The following LNPEP variants were observed in gnomAD, a reference collection of about 807,000 sequenced individuals.
LNPEP encodes the protein leucyl and cystinyl aminopeptidase.
A neutral mutation model predicts 120.6 loss-of-function variants in LNPEP; 64 were observed. The ratio of observed to expected loss-of-function variants is 0.53; its 90% CI spans 0.43 to 0.65. LNPEP has a LOEUF of 0.65. Ranked by LOEUF, LNPEP falls within the 30% of genes least tolerant of loss-of-function variation. The pLI, the probability that LNPEP is intolerant of heterozygous loss-of-function variation, is 0.00. For synonymous variants in LNPEP, 435 were observed against 425.4 expected (o/e 1.02, Z -0.28); for missense variants, 1,057 against 1,200.0 (o/e 0.88, Z 1.76).
At chr5:96,965,416 C>G (rs1789703705) in intron 1 of LNPEP, among the ~76,000 whole-genome samples, 3 of 152,092 alleles carry the variant, frequency 2.0e-5, no homozygotes, top group African/African-American at 7.2e-5. Flanking sequence ...CCCCCAACCC[C>G]AAGGTATTAG....
intron 1 of LNPEP, among the ~76,000 whole-genome samples, chr5:96,961,901 G>A (rs745639650): frequency 3.3e-5 from 5 of 152,110 alleles, no homozygotes; most frequent in Non-Finnish European, 1.5e-5. Context: ...TAATTTTAAT[G>A]AGAGAAAGGG....
intron 12 of LNPEP, among the ~76,000 whole-genome samples, chr5:97,014,131 A>C (rs1420227938): frequency 2.6e-5 from 4 of 152,084 alleles, no homozygotes. Context: ...TTATTTTATA[A>C]GAGAATTATT....
chr5:96,939,396 T>G (rs1167181908), intron 1 of LNPEP, among the ~76,000 whole-genome samples: 1 of 151,998 alleles, frequency 6.6e-6, no homozygotes, highest in East Asian at 1.9e-4. Context: ...GTATTTCTAG[T>G]AGAAATGAGG....
intron 1 of LNPEP, among the ~76,000 whole-genome samples, chr5:96,973,337 T>TA (rs1207324444): frequency 5.3e-5 from 8 of 151,972 alleles, no homozygotes; most frequent in African/African-American, 9.6e-5. Context: ...AGCTTAAACT[T>TA]AAAAAAAATA....
intron 8 of LNPEP, among the ~76,000 whole-genome samples, chr5:97,002,411 G>A (rs114098429): frequency 0.013 from 2,002 of 152,246 alleles, 44 homozygotes; most frequent in African/African-American, 0.045. Flanking sequence ...AGTATGAAGG[G>A]AAAAGTTGGT....
chr5:96,986,551 G>A lies in LNPEP; in HGVS notation c.1012G>A (p.Val338Ile), dbSNP rs151314827. Reference protein sequence around the residue: ...LSNMPKKSSVVLDDGLVQDEF... With the variant: ...LSNMPKKSSVILDDGLVQDEF... ...CCTTTGCTTGTAGAAGTCATCAGTCGTTCTAGATGATGGACTTGTTCAGGA... is the reference window on the plus strand; with the variant it reads ...CCTTTGCTTGTAGAAGTCATCAGTCATTCTAGATGATGGACTTGTTCAGGA... The change falls in exon 4 of 18, where the codon GTT (valine) becomes ATT (isoleucine). Residue 338 changes from valine to isoleucine, a missense_variant. Coordinates refer to ENST00000231368, the MANE Select transcript of LNPEP (RefSeq NM_005575.3). The A allele has an allele frequency of 2.6e-4, 421 of 1,612,928 alleles. No individual in the cohort carries two copies. The highest frequency in any genetic ancestry group is 3.4e-4 in the Non-Finnish European group (401 of 1,179,336).
rs1355226281 is a variant in LNPEP at position 97,029,242 on chromosome 5, T to A, written c.*709T>A. 1 of 152,388 alleles carries A rather than the reference T, an allele frequency of 6.6e-6. No individual in the cohort carries two copies. The highest frequency in any genetic ancestry group is 1.9e-4 in the East Asian group (1 of 5,344). 9.4% of individuals were successfully genotyped at this position (152,388 alleles called of 1,614,324 possible). ...TGAATATTTAAGACTTTCTTTTTCA[T>A]CTTTTATAGCGTTACCATAGGAAAC... On this transcript the variant is annotated 3_prime_UTR_variant, in exon 18 of 18. Coordinates refer to ENST00000231368, the MANE Select transcript of LNPEP (RefSeq NM_005575.3).
At chr5:97,023,819 G>A (rs907036611) in intron 14 of LNPEP, among the ~76,000 whole-genome samples, 2 of 152,122 alleles carry the variant, frequency 1.3e-5, no homozygotes, top group African/African-American at 4.8e-5. Context: ...GTTTTCTACA[G>A]CAGCTGCACC....
intron 2 of LNPEP, among the ~76,000 whole-genome samples, chr5:96,983,328 T>A (rs1790169522): frequency 1.3e-5 from 2 of 152,208 alleles, no homozygotes; most frequent in Non-Finnish European, 2.9e-5. Flanking sequence ...TTGCCGTGAT[T>A]ATAGCCACGC....
intron 11 of LNPEP, among the ~76,000 whole-genome samples, chr5:97,013,359 C>T (rs973760254): frequency 6.6e-6 from 1 of 152,050 alleles, no homozygotes; most frequent in Non-Finnish European, 1.5e-5. Flanking sequence ...ATTGTACTTG[C>T]CTGTTTACTT....
At chr5:97,027,017 A>G (rs1226883633) in intron 16 of LNPEP, among the ~76,000 whole-genome samples, 1 of 152,220 alleles carries the variant, frequency 6.6e-6, no homozygotes, top group Non-Finnish European at 1.5e-5. Context: ...CAGCGTGGCT[A>G]CAGACTATTT....
At chr5:96,976,909 T>G (rs1790012769) in intron 1 of LNPEP, among the ~76,000 whole-genome samples, 1 of 130,156 alleles carries the variant, frequency 7.7e-6, no homozygotes, top group Non-Finnish European at 1.6e-5. Context: ...CACTATTAAC[T>G]ATCAAAACAG....
At position 97,026,603 on chromosome 5, in the gene LNPEP, G is replaced by A; in HGVS notation, c.2724-14G>A. On this transcript the variant is annotated splice_polypyrimidine_tract_variant and intron_variant, in intron 15 of 17. Coordinates refer to ENST00000231368, the MANE Select transcript of LNPEP (RefSeq NM_005575.3). ...AATAATAATTTTGGAGGCTAAATCT[G>A]CTTTGCTCTTCAGGTTAATGAAAAG... The A allele has an allele frequency of 1.2e-6, 2 of 1,605,910 alleles. No homozygotes were observed. Among genetic ancestry groups the A allele is most frequent in the South Asian group, 1.1e-5 (1 of 90,078 alleles).
At position 96,936,117 on chromosome 5, in the gene LNPEP, T is replaced by G; in HGVS notation, c.-39T>G. On this transcript the variant is annotated 5_prime_UTR_variant, in exon 1 of 18. Transcript: ENST00000231368. The stretch of plus-strand genomic sequence containing the variant: ...CGCCTCAGCTCTCGGAGTAGGAAGC[T>G]CGGGCGCTCCGGCTGTAAGGAGCCG... 2 of 1,514,390 alleles carry G rather than the reference T, an allele frequency of 1.3e-6. No individual in the cohort carries two copies. Among genetic ancestry groups the G allele is most frequent in the Non-Finnish European group, 8.8e-7 (1 of 1,131,472 alleles). The allele number at this position is 1,514,390 out of a possible 1,614,324, so 93.8% of individuals were successfully genotyped here. A position where few individuals can be genotyped will look rare whatever the true frequency, so the allele number is the denominator to read the frequency against.
intron 8 of LNPEP, among the ~76,000 whole-genome samples, chr5:96,998,887 G>A (rs909320249): frequency 6.6e-6 from 1 of 152,172 alleles, no homozygotes; most frequent in African/African-American, 2.4e-5. Flanking sequence ...AATGGGAATT[G>A]AGTTGGCTTA....
chr5:97,015,075 G>A lies in LNPEP; in HGVS notation c.2356G>A (p.Asp786Asn), dbSNP rs376371115. The A allele has an allele frequency of 3.8e-6, 6 of 1,582,448 alleles. No individual in the cohort carries two copies. The highest frequency in any genetic ancestry group is 4.3e-6 in the Non-Finnish European group (5 of 1,166,122). The change falls in exon 13 of 18, where the codon GAT (aspartate) becomes AAT (asparagine). Residue 786 changes from aspartate to asparagine, a missense_variant. Coordinates refer to ENST00000231368, the MANE Select transcript of LNPEP (RefSeq NM_005575.3). ...CCTCCTTGAAAAACTGGGATACATG[G>A]ATCTGGCCTCAAGACTGGTGGTAAG... ...YNLLEKLGYM[D>N]LASRLVTRVF...
intron 11 of LNPEP, chr5:97,011,171 G>A (rs1020125221): frequency 1.0e-6 from 1 of 985,206 alleles, no homozygotes; most frequent in South Asian, 4.7e-5. Context: ...CTCCTTTTAT[G>A]GGCAAGGGAG....
At chr5:97,019,462 T>C (rs1280038929) in intron 13 of LNPEP, among the ~76,000 whole-genome samples, 1 of 152,204 alleles carries the variant, frequency 6.6e-6, no homozygotes, top group East Asian at 1.9e-4. Flanking sequence ...ATATAATTAT[T>C]CTTTCTTAAA....
intron 9 of LNPEP, among the ~76,000 whole-genome samples, chr5:97,004,508 T>A (rs545763755): frequency 5.5e-5 from 8 of 146,750 alleles, no homozygotes; most frequent in African/African-American, 1.5e-4. Context: ...CCAGACTCTG[T>A]CTCAAAAAAA....
Sources: allele counts gnomAD v4.1 joint callset (sites outside exome capture counted in the v4.1 genomes callset), GRCh38; gene constraint gnomAD v4.1.1; transcripts MANE v1.5; gene names NCBI Gene and HGNC (gene_info 2026-07-23, HGNC 2026-07-21).